EVX2: variants seen among roughly 807,000 people sequenced by gnomAD.
The protein encoded by EVX2 is homeobox even-skipped homolog protein 2.
Under a neutral mutation model 19.2 loss-of-function variants are expected in EVX2, and 10 were observed. The observed-to-expected ratio is 0.52, with a 90% confidence interval of 0.32 to 0.89. The LOEUF is 0.89. Among genes scored for constraint, EVX2 ranks in the 40% least tolerant of loss-of-function variants. EVX2 has a pLI of 0.03. For synonymous variants in EVX2, 354 were observed against 328.4 expected, an observed-to-expected ratio of 1.08 and a Z score of -0.84; for missense variants, 710 against 694.9, an observed-to-expected ratio of 1.02 and a Z score of -0.24.
chr2:176,079,193 C>T lies in EVX2; in HGVS notation c.*914G>A, dbSNP rs1332644960. ...GGAAAACTGAGCTGAAAACGCCTCT[C>T]CAAATACTACAGCGATCTATCAGTC... On this transcript the variant is annotated 3_prime_UTR_variant, in exon 3 of 3. Coordinates refer to ENST00000308618, the MANE Select transcript of EVX2 (RefSeq NM_001080458.2). The surrounding 1 kb of genome is among the most constrained non-coding windows in gnomAD (Gnocchi z 4.4). 4 of 152,242 alleles carry T rather than the reference C, an allele frequency of 2.6e-5. No homozygotes were observed. Among genetic ancestry groups the T allele is most frequent in the Non-Finnish European group, 5.9e-5 (4 of 68,044 alleles). 9.4% of individuals were successfully genotyped at this position (152,242 alleles called of 1,614,324 possible). A position where few individuals can be genotyped will look rare whatever the true frequency, so the allele number is the denominator to read the frequency against.
rs766268368 is a variant in EVX2, at chr2:176,082,338, C to A, written c.539G>T (p.Gly180Val). The change falls in exon 2 of 3, where the codon GGC (glycine) becomes GTC (valine). Residue 180 changes from glycine (G) to valine (V), a missense_variant. Transcript: ENST00000308618. The surrounding 1 kb of genome is among the most constrained non-coding windows in gnomAD (Gnocchi z 5.2). ...GGSGGSAALG[G>V]SGSGADQVRR... is the part of the protein sequence containing the mutation. ...CACTTGATCCGCGCCAGAGCCGGAG[C>A]CACCCAGCGCCGCGCTCCCGCCGCT... is the stretch of plus-strand genomic sequence containing the variant. 3 of 1,596,572 alleles carry A rather than the reference C, an allele frequency of 1.9e-6. No individual in the cohort carries two copies. Among genetic ancestry groups the A allele is most frequent in the Non-Finnish European group, 2.6e-6 (3 of 1,176,132 alleles).
In EVX2 at chr2:176,080,454, CTGCCGCGGCAGAGGCCGCGCT is replaced by C; in HGVS notation, c.1063_1083del (p.Ser355_Ala361del). 1 of 1,192,878 alleles carries C rather than the reference CTGCCGCGGCAGAGGCCGCGCT, an allele frequency of 8.4e-7. No homozygotes were observed. The highest frequency in any genetic ancestry group is 3.5e-5 in the East Asian group (1 of 28,814). The allele number at this position is 1,192,878 out of a possible 1,614,324, so 73.9% of individuals were successfully genotyped here. A position where few individuals can be genotyped will look rare whatever the true frequency, so the allele number is the denominator to read the frequency against. On this transcript the variant is annotated inframe_deletion, in exon 3 of 3. Transcript: ENST00000308618. This position sits in a 1 kb window ranked among gnomAD's most constrained non-coding sequence, Gnocchi z 7.0. ...GCCGCAGCCGCTGCGGCTGCCGCGG[CTGCCGCGGCAGAGGCCGCGCT>C]GTTGAGCCCCGCGGCGGCCGCGGGA...
rs999970199 is a variant in EVX2 at position 176,083,305 on chromosome 2, C to A, written c.427+45G>T. The A allele has an allele frequency of 2.0e-6, 3 of 1,527,218 alleles. No individual in the cohort carries two copies. The African/African-American group carries it at 4.1e-5, about 21-fold the overall frequency. The allele number at this position is 1,527,218 out of a possible 1,614,324, so 94.6% of individuals were successfully genotyped here. A position where few individuals can be genotyped will look rare whatever the true frequency, so the allele number is the denominator to read the frequency against. On this transcript the variant is annotated intron_variant, in intron 1 of 2. Coordinates refer to ENST00000308618, the MANE Select transcript of EVX2 (RefSeq NM_001080458.2). This position sits in a 1 kb window ranked among gnomAD's most constrained non-coding sequence, Gnocchi z 4.4. ...AAGGCTGGCGGGGGCCGCGGAGGAGCAAAGAGGATGGGACTGGAGAGCGCG... is the reference window on the plus strand; with the variant it reads ...AAGGCTGGCGGGGGCCGCGGAGGAGAAAAGAGGATGGGACTGGAGAGCGCG...
Position 176,081,973 on chromosome 2 carries a change from G to T in EVX2, c.699+205C>A, listed in dbSNP as rs1011602703. ...TTTCAGCATTGGAGTCACCATTCGG[G>T]GGCCTTCTTAGATCCGTCAGGCCGG... On this transcript the variant is annotated intron_variant, in intron 2 of 2. Coordinates refer to ENST00000308618, the MANE Select transcript of EVX2 (RefSeq NM_001080458.2). The surrounding 1 kb of genome is among the most constrained non-coding windows in gnomAD (Gnocchi z 5.9). Among the ~76,000 whole-genome samples the T allele has an allele frequency of 6.6e-6, 1 of 152,194 alleles. No homozygotes were observed. The highest frequency in any genetic ancestry group is 1.5e-5 in the Non-Finnish European group (1 of 68,050).
Position 176,082,982 on chromosome 2 carries a change from C to G in EVX2, c.427+368G>C, listed in dbSNP as rs955085644. ...AATGCCCCCTCCAGCCCTGAGGGCACAGGGGCAGGGGAGTTCAGAGTAGTT... is the reference window on the plus strand; with the variant it reads ...AATGCCCCCTCCAGCCCTGAGGGCAGAGGGGCAGGGGAGTTCAGAGTAGTT... On this transcript the variant is annotated intron_variant, in intron 1 of 2. Transcript: ENST00000308618. This position sits in a 1 kb window ranked among gnomAD's most constrained non-coding sequence, Gnocchi z 5.2. 6.6e-5 allele frequency among the ~76,000 whole-genome samples: 10 copies of G among 152,258 alleles called. No individual in the cohort carries two copies. Among genetic ancestry groups the G allele is most frequent in the African/African-American group, 2.4e-4 (10 of 41,476 alleles).
Position 176,080,400 on chromosome 2 carries a change from G to C in EVX2, c.1138C>G (p.Pro380Ala). The change falls in exon 3 of 3, where the codon CCC (proline) becomes GCC (alanine). Residue 380 changes from proline (P) to alanine (A), a missense_variant. Physicochemically the swap from Pro to Ala is conservative, Grantham distance 27 (BLOSUM62 -1). Transcript: ENST00000308618. The surrounding 1 kb of genome is among the most constrained non-coding windows in gnomAD (Gnocchi z 7.0). ...GAGCAGGGTGCAGAGCCGCCGCTGG[G>C]GGGCGCGCCGGCCGCCGCCGCCGAG... ...ASSAAAAGAPPSGGSAPCSCL... is the reference protein window; with the variant it reads ...ASSAAAAGAPASGGSAPCSCL... The C allele has an allele frequency of 6.5e-6, 7 of 1,081,142 alleles. No homozygotes were observed. The highest frequency in any genetic ancestry group is 7.9e-6 in the Non-Finnish European group (7 of 891,534). The allele number at this position is 1,081,142 out of a possible 1,614,324, so 67.0% of individuals were successfully genotyped here.
rs1013502742 is a variant in EVX2, at chr2:176,081,635, T to C, written c.699+543A>G. On this transcript the variant is annotated intron_variant, in intron 2 of 2. Transcript: ENST00000308618. The surrounding 1 kb of genome is among the most constrained non-coding windows in gnomAD (Gnocchi z 5.9). ...ATAAAATTAATAACCTAAAGTTATA[T>C]ATAAATAAGGACAATTTCGTTGCAT... Among the ~76,000 whole-genome samples, 1 of 152,198 alleles carries C rather than the reference T, an allele frequency of 6.6e-6. No homozygotes were observed. The highest frequency in any genetic ancestry group is 6.5e-5 in the Admixed American group (1 of 15,280).
Position 176,083,637 on chromosome 2 carries a change from G to A in EVX2, c.140C>T (p.Ala47Val). The A allele has an allele frequency of 1.9e-6, 3 of 1,614,202 alleles. No individual in the cohort carries two copies. The highest frequency in any genetic ancestry group is 1.7e-6 in the Non-Finnish European group (2 of 1,180,048). The change falls in exon 1 of 3, where the codon GCT (alanine) becomes GTT (valine). Residue 47 changes from alanine (A) to valine (V), a missense_variant. Transcript: ENST00000308618. The surrounding 1 kb of genome is among the most constrained non-coding windows in gnomAD (Gnocchi z 4.4). ...AGACGGCAGGCGCGGGCTTAGGCGAGCCGGGTGCTGCGAATTTTCCAGGGC... is the reference window on the plus strand; with the variant it reads ...AGACGGCAGGCGCGGGCTTAGGCGAACCGGGTGCTGCGAATTTTCCAGGGC... Reference protein sequence around the residue: ...LEALENSQHPARLSPRLPSAP... With the variant: ...LEALENSQHPVRLSPRLPSAP...
At position 176,080,982 on chromosome 2, in the gene EVX2, C is replaced by T. The variant is rs1366414066; in HGVS notation, c.700-144G>A. ...AGCCCAACCCCGAGTACCCTGTGGT[C>T]TCCCAGCTGGGAAAGTGTGGACGGC... On this transcript the variant is annotated intron_variant, in intron 2 of 2. Transcript: ENST00000308618. This position sits in a 1 kb window ranked among gnomAD's most constrained non-coding sequence, Gnocchi z 7.0. 3.6e-6 allele frequency: 4 copies of T among 1,121,012 alleles called. No homozygotes were observed. In the African/African-American group the frequency reaches 6.4e-5, roughly 18 times the overall value. 69.4% of individuals were successfully genotyped at this position (1,121,012 alleles called of 1,614,324 possible). A position where few individuals can be genotyped will look rare whatever the true frequency, so the allele number is the denominator to read the frequency against.
rs1689102253 is a variant in EVX2, at chr2:176,079,799, C to T, written c.*308G>A. Reference sequence around the variant, plus strand: ...CTAGCTTAGGGGGCGAGGGGTTGGTCTTTGGGAAACCAAGCGCTCAGGACA... The same window carrying T: ...CTAGCTTAGGGGGCGAGGGGTTGGTTTTTGGGAAACCAAGCGCTCAGGACA... On this transcript the variant is annotated 3_prime_UTR_variant, in exon 3 of 3. Transcript: ENST00000308618. This position sits in a 1 kb window ranked among gnomAD's most constrained non-coding sequence, Gnocchi z 4.4. The T allele has an allele frequency of 8.4e-6, 2 of 238,812 alleles. No individual in the cohort carries two copies. The highest frequency in any genetic ancestry group is 1.6e-5 in the Non-Finnish European group (2 of 124,166). The allele number at this position is 238,812 out of a possible 1,614,324, so 14.8% of individuals were successfully genotyped here.
In EVX2 at chr2:176,079,165, G is replaced by A. The variant is rs1034379759; in HGVS notation, c.*942C>T. On this transcript the variant is annotated 3_prime_UTR_variant, in exon 3 of 3. Coordinates refer to ENST00000308618, the MANE Select transcript of EVX2 (RefSeq NM_001080458.2). This position sits in a 1 kb window ranked among gnomAD's most constrained non-coding sequence, Gnocchi z 4.4. ...TTCCCAGATCGAGTGGAACCCGGTAGTTGGAAAACTGAGCTGAAAACGCCT... is the reference window on the plus strand; with the variant it reads ...TTCCCAGATCGAGTGGAACCCGGTAATTGGAAAACTGAGCTGAAAACGCCT... The A allele has an allele frequency of 1.3e-5, 2 of 152,236 alleles. No homozygotes were observed. Among genetic ancestry groups the A allele is most frequent in the Non-Finnish European group, 2.9e-5 (2 of 68,048 alleles). The allele number at this position is 152,236 out of a possible 1,614,324, so 9.4% of individuals were successfully genotyped here.
rs1416074793 is a variant in EVX2, at chr2:176,078,460, G to T, written c.*1647C>A. On this transcript the variant is annotated 3_prime_UTR_variant, in exon 3 of 3. Transcript: ENST00000308618. ...ATCTCATTATGTGAGGAGCCAAGTGGCTCTGCGGGGAGCATTATGGAAATA... is the reference window on the plus strand; with the variant it reads ...ATCTCATTATGTGAGGAGCCAAGTGTCTCTGCGGGGAGCATTATGGAAATA... 1.3e-5 allele frequency: 2 copies of T among 152,178 alleles called. No individual in the cohort carries two copies. Among genetic ancestry groups the T allele is most frequent in the African/African-American group, 4.8e-5 (2 of 41,446 alleles). The allele number at this position is 152,178 out of a possible 1,614,324, so 9.4% of individuals were successfully genotyped here.
In EVX2 at chr2:176,082,167, G is replaced by A. The variant is rs1689156351; in HGVS notation, c.699+11C>T. 1 of 1,570,236 alleles carries A rather than the reference G, an allele frequency of 6.4e-7. No individual in the cohort carries two copies. Among genetic ancestry groups the A allele is most frequent in the Non-Finnish European group, 8.6e-7 (1 of 1,158,294 alleles). On this transcript the variant is annotated intron_variant, in intron 2 of 2. Coordinates refer to ENST00000308618, the MANE Select transcript of EVX2 (RefSeq NM_001080458.2). The surrounding 1 kb of genome is among the most constrained non-coding windows in gnomAD (Gnocchi z 5.2). ...GGGGAGGCCAGAGCAGGCATGCACT[G>A]GAATTGATACCTTGATGGTGGTTTC...
rs1559101929 is a variant in EVX2, at chr2:176,079,233, A to G, written c.*874T>C. On this transcript the variant is annotated 3_prime_UTR_variant, in exon 3 of 3. Coordinates refer to ENST00000308618, the MANE Select transcript of EVX2 (RefSeq NM_001080458.2). The surrounding 1 kb of genome is among the most constrained non-coding windows in gnomAD (Gnocchi z 4.4). ...ATCTATCAGTCTTACCCCTACCCCA[A>G]CTCCCTTCCTTTCCCTTCCCTGGCC... The G allele has an allele frequency of 1.3e-5, 2 of 151,850 alleles. No individual in the cohort carries two copies. Among genetic ancestry groups the G allele is most frequent in the Admixed American group, 6.6e-5 (1 of 15,224 alleles). The allele number at this position is 151,850 out of a possible 1,614,324, so 9.4% of individuals were successfully genotyped here. A position where few individuals can be genotyped will look rare whatever the true frequency, so the allele number is the denominator to read the frequency against.
rs1339068365 is a variant in EVX2, at chr2:176,080,056, C to G, written c.*51G>C. On this transcript the variant is annotated 3_prime_UTR_variant, in exon 3 of 3. Transcript: ENST00000308618. The surrounding 1 kb of genome is among the most constrained non-coding windows in gnomAD (Gnocchi z 7.0). ...GGGCTCAGGGGGCGCACAGGGGACT[C>G]CCGGGCACACTCAGAGAGGCGGGCG... The G allele has an allele frequency of 1.8e-5, 27 of 1,495,962 alleles. No homozygotes were observed. The highest frequency in any genetic ancestry group is 2.8e-5 in the East Asian group (1 of 36,314). The allele number at this position is 1,495,962 out of a possible 1,614,324, so 92.7% of individuals were successfully genotyped here. A position where few individuals can be genotyped will look rare whatever the true frequency, so the allele number is the denominator to read the frequency against.
chr2:176,083,474 C>T lies in EVX2; in HGVS notation c.303G>A (p.Lys101=), dbSNP rs1689178267. ...CGGCCGCCTCTGAATAATGGCCCGGCTTCTTGCGGCTCTCGGCGGCGGAGG... is the reference window on the plus strand; with the variant it reads ...CGGCCGCCTCTGAATAATGGCCCGGTTTCTTGCGGCTCTCGGCGGCGGAGG... ...EISSAAESRK[K]PGHYSEAAAE... Residue 101 remains lysine (K), a synonymous_variant, in exon 1 of 3, where the codon AAG becomes AAA. Coordinates refer to ENST00000308618, the MANE Select transcript of EVX2 (RefSeq NM_001080458.2). This position sits in a 1 kb window ranked among gnomAD's most constrained non-coding sequence, Gnocchi z 4.4. 8.1e-6 allele frequency: 13 copies of T among 1,614,180 alleles called. No individual in the cohort carries two copies. The highest frequency in any genetic ancestry group is 1.1e-5 in the Non-Finnish European group (13 of 1,180,050).
At position 176,080,473 on chromosome 2, in the gene EVX2, G is replaced by T; in HGVS notation, c.1065C>A (p.Ser355Arg). The change falls in exon 3 of 3, where the codon AGC (serine) becomes AGA (arginine). Residue 355 changes from serine to arginine, a missense_variant. Ser to Arg is a moderately radical substitution (Grantham distance 110). Transcript: ENST00000308618. The surrounding 1 kb of genome is among the most constrained non-coding windows in gnomAD (Gnocchi z 7.0). Reference protein sequence around the residue: ...QAPAAAAGLNSAASAAAAAAA... With the variant: ...QAPAAAAGLNRAASAAAAAAA... ...CCGCGGCTGCCGCGGCAGAGGCCGC[G>T]CTGTTGAGCCCCGCGGCGGCCGCGG... 1.6e-6 allele frequency: 2 copies of T among 1,254,188 alleles called. No homozygotes were observed. The highest frequency in any genetic ancestry group is 2.0e-6 in the Non-Finnish European group (2 of 999,932). The allele number at this position is 1,254,188 out of a possible 1,614,324, so 77.7% of individuals were successfully genotyped here. A position where few individuals can be genotyped will look rare whatever the true frequency, so the allele number is the denominator to read the frequency against.
chr2:176,081,102 C>T lies in EVX2; in HGVS notation c.700-264G>A, dbSNP rs1240270958. ...TGCTCCTCAGGCTTTTATTCCCTTACTTCTTGCTGCACTTTTTTGTCCCAA... is the reference window on the plus strand; with the variant it reads ...TGCTCCTCAGGCTTTTATTCCCTTATTTCTTGCTGCACTTTTTTGTCCCAA... On this transcript the variant is annotated intron_variant, in intron 2 of 2. Coordinates refer to ENST00000308618, the MANE Select transcript of EVX2 (RefSeq NM_001080458.2). This position sits in a 1 kb window ranked among gnomAD's most constrained non-coding sequence, Gnocchi z 5.9. 6.6e-6 allele frequency among the ~76,000 whole-genome samples: 1 copy of T among 152,180 alleles called. No individual in the cohort carries two copies. Among genetic ancestry groups the T allele is most frequent in the African/African-American group, 2.4e-5 (1 of 41,450 alleles).
rs567024931 is a variant in EVX2, at chr2:176,080,144, G to C, written c.1394C>G (p.Pro465Arg). 1.3e-6 allele frequency: 2 copies of C among 1,549,272 alleles called. No homozygotes were observed. Among genetic ancestry groups the C allele is most frequent in the South Asian group, 2.4e-5 (2 of 84,122 alleles). ...CGGAGCCTCGTCCCTCTGGTCCGGCGGGCTCACGGCCGTCTTACTAAGCAC... is the reference window on the plus strand; with the variant it reads ...CGGAGCCTCGTCCCTCTGGTCCGGCCGGCTCACGGCCGTCTTACTAAGCAC... ...AAVLSKTAVS[P>R]PDQRDEAPLT... The change falls in exon 3 of 3, where the codon CCG becomes CGG. Residue 465 changes from proline (P) to arginine (R), a missense_variant. Physicochemically the swap from Pro to Arg is moderately radical, Grantham distance 103. Transcript: ENST00000308618. The surrounding 1 kb of genome is among the most constrained non-coding windows in gnomAD (Gnocchi z 7.0).
Sources: gnomAD v4.1 joint callset for allele counts (sites outside exome capture counted in the v4.1 genomes callset) on GRCh38, gnomAD v4.1.1 for gene constraint, Gnocchi (gnomAD v3.1) non-coding constraint, MANE v1.5 for transcripts, NCBI Gene and HGNC (gene_info 2026-07-23, HGNC 2026-07-21) for gene names.